The following CARMIL1 variants were observed in gnomAD, a reference collection of about 807,000 sequenced individuals.
The protein encoded by CARMIL1 is capping protein regulator and myosin 1 linker 1, also known as F-actin-uncapping protein LRRC16A.
In CARMIL1, 90 loss-of-function variants were observed where a neutral mutation model predicts 177.1. The observed-to-expected ratio is 0.51, with a 90% confidence interval of 0.43 to 0.61. CARMIL1 has a LOEUF of 0.61. Ranked by LOEUF, CARMIL1 falls within the 20% of genes least tolerant of loss-of-function variation. CARMIL1 has a pLI of 0.00. For missense variants in CARMIL1, 1,380 were observed against 1,667.0 expected (o/e 0.83, Z 3.00); for synonymous variants, 577 against 606.2 (o/e 0.95, Z 0.71).
chr6:25,300,718 T>C (rs1173870199), intron 2 of CARMIL1, among the ~76,000 whole-genome samples: 1 of 152,186 alleles, frequency 6.6e-6, no homozygotes, highest in East Asian at 1.9e-4. Flanking sequence ...AATCAGAAAC[T>C]CTGGCAGTGG....
At chr6:25,317,397 C>T (rs1784357768) in intron 2 of CARMIL1, among the ~76,000 whole-genome samples, 1 of 152,074 alleles carries the variant, frequency 6.6e-6, no homozygotes, top group African/African-American at 2.4e-5. Context: ...CTCCCAAAGT[C>T]TCAAAGTGTT....
intron 25 of CARMIL1, 93 bp downstream of exon 25, chr6:25,538,076 A>T: frequency 1.5e-6 from 2 of 1,372,192 alleles, no homozygotes; most frequent in Non-Finnish European, 1.9e-6. Context: ...TTCTCTCTCT[A>T]CCCAATTCCA....
At chr6:25,334,706 A>G (rs1474184267) in intron 2 of CARMIL1, among the ~76,000 whole-genome samples, 1 of 152,192 alleles carries the variant, frequency 6.6e-6, no homozygotes, top group Non-Finnish European at 1.5e-5. Flanking sequence ...TTCTTTTAAA[A>G]AAGTCTTAGT....
intron 29 of CARMIL1, among the ~76,000 whole-genome samples, chr6:25,574,209 C>T (rs573042139): frequency 6.6e-6 from 1 of 152,290 alleles, no homozygotes; most frequent in South Asian, 2.1e-4. Flanking sequence ...TCCAGATAAT[C>T]GGTCAATACC....
chr6:25,291,431 A>G (rs1437731552), intron 2 of CARMIL1, among the ~76,000 whole-genome samples: 2 of 152,198 alleles, frequency 1.3e-5, no homozygotes, highest in East Asian at 3.8e-4. Context: ...CAATATGGAA[A>G]CTATTGTTCT....
chr6:25,521,242 T>C lies in CARMIL1; in HGVS notation c.1968+905T>C, dbSNP rs571710915. Among the ~76,000 whole-genome samples the C allele has an allele frequency of 1.2e-4, 18 of 152,130 alleles. 1 individual carries two copies. The East Asian group carries it at 3.3e-3, about 28-fold the overall frequency. On this transcript the variant is annotated intron_variant, in intron 23 of 36. Transcript: ENST00000329474. ...ACAAGGCCTGCATCGTACAGCCGAG[T>C]TGTACATATTCAGCAGGCTTGGGGG...
chr6:25,448,350 T>G (rs1798441032), intron 5 of CARMIL1, among the ~76,000 whole-genome samples: 1 of 152,058 alleles, frequency 6.6e-6, no homozygotes, highest in Non-Finnish European at 1.5e-5. Context: ...GTTACTCCTT[T>G]CTTTATCACA....
At chr6:25,312,808 AAGG>A (rs1369083993) in intron 2 of CARMIL1, among the ~76,000 whole-genome samples, 1 of 150,780 alleles carries the variant, frequency 6.6e-6, no homozygotes, top group Non-Finnish European at 1.5e-5. Context: ...GCCACGTTGT[AAGG>A]AGATTTGCAT....
Position 25,528,900 on chromosome 6 carries a change from G to A in CARMIL1, c.2067+7G>A, listed in dbSNP as rs369435596. 469 of 1,601,484 alleles carry A rather than the reference G, an allele frequency of 2.9e-4. 6 individuals are homozygous for A. The highest frequency in any genetic ancestry group is 2.8e-3 in the South Asian group (248 of 88,822). ...CACCAGCACCACCCAGCAGGTAAGC[G>A]AGCCAGTGCCTGTGACTTCTCCTTC... On this transcript the variant is annotated splice_region_variant and intron_variant, in intron 24 of 36. Transcript: ENST00000329474.
chr6:25,465,963 A>G lies in CARMIL1; in HGVS notation c.690+15A>G, dbSNP rs775901782. On this transcript the variant is annotated intron_variant, in intron 9 of 36. Coordinates refer to ENST00000329474, the MANE Select transcript of CARMIL1 (RefSeq NM_017640.6). ...ATCTAAAACTGGTAAGTAATCAAAC[A>G]TGCAGCAAATGTTGCTTGGCTTTGC... The G allele has an allele frequency of 2.7e-5, 42 of 1,574,820 alleles. No individual in the cohort carries two copies. The Admixed American group carries it at 3.2e-4, about 12-fold the overall frequency.
intron 3 of CARMIL1, among the ~76,000 whole-genome samples, chr6:25,421,967 A>G (rs9467509): frequency 0.72 from 108,579 of 149,984 alleles, 39,422 homozygotes; most frequent in Admixed American, 0.79. Flanking sequence ...ACATGTATAC[A>G]TATGTAACTA....
chr6:25,460,629 G>A (rs1264996809), intron 8 of CARMIL1, among the ~76,000 whole-genome samples: 2 of 152,190 alleles, frequency 1.3e-5, no homozygotes, highest in African/African-American at 4.8e-5. Flanking sequence ...GCCAGGCTGA[G>A]AGGTATTAAG....
At chr6:25,512,603 T>C (rs1805563497) in intron 20 of CARMIL1, among the ~76,000 whole-genome samples, 2 of 152,130 alleles carry the variant, frequency 1.3e-5, no homozygotes, top group Admixed American at 1.3e-4. Context: ...AATAATCTCT[T>C]TACTTTTTAC....
At chr6:25,363,094 A>G (rs1229616615) in intron 2 of CARMIL1, among the ~76,000 whole-genome samples, 1 of 152,182 alleles carries the variant, frequency 6.6e-6, no homozygotes, top group Non-Finnish European at 1.5e-5. Flanking sequence ...AGTACTCACT[A>G]CTCAGGTAGT....
chr6:25,608,595 G>A (rs1353461682), intron 35 of CARMIL1, among the ~76,000 whole-genome samples: 1 of 152,184 alleles, frequency 6.6e-6, no homozygotes, highest in Non-Finnish European at 1.5e-5. Flanking sequence ...ATAGCACTTA[G>A]TATATCAAGA....
At chr6:25,303,660 A>G (rs995411171) in intron 2 of CARMIL1, among the ~76,000 whole-genome samples, 1 of 152,280 alleles carries the variant, frequency 6.6e-6, no homozygotes, top group Non-Finnish European at 1.5e-5. Context: ...TCTTTTACAC[A>G]AAGGGACTCT....
At chr6:25,561,732 C>T (rs1440798517) in intron 29 of CARMIL1, among the ~76,000 whole-genome samples, 2 of 152,224 alleles carry the variant, frequency 1.3e-5, no homozygotes, top group East Asian at 1.9e-4. Context: ...TTCACAGGGT[C>T]GCCAAGCACA....
At chr6:25,365,612 T>A (rs1013045) in intron 2 of CARMIL1, among the ~76,000 whole-genome samples, 133,079 of 152,144 alleles carry the variant, frequency 0.87, 58,553 homozygotes, top group African/African-American at 0.96. Flanking sequence ...GAGTGTTTTG[T>A]TGCAATCTCA....
chr6:25,598,915 G>A (rs3788993), intron 32 of CARMIL1, among the ~76,000 whole-genome samples: 85,747 of 151,932 alleles, frequency 0.56, 24,373 homozygotes, highest in Middle Eastern at 0.6. Flanking sequence ...TCTCCTGCCT[G>A]GCAGGTATAA....
Sources: allele counts gnomAD v4.1 joint callset (sites outside exome capture counted in the v4.1 genomes callset), GRCh38; gene constraint gnomAD v4.1.1; transcripts MANE v1.5; gene names NCBI Gene and HGNC (gene_info 2026-07-23, HGNC 2026-07-21).